STAU2: variants seen among roughly 807,000 people sequenced by gnomAD.
STAU2 encodes double-stranded RNA-binding protein Staufen homolog 2.
A neutral mutation model predicts 65.9 loss-of-function variants in STAU2; 20 were observed. That is an observed-to-expected ratio of 0.30 (90% CI 0.21 to 0.44). The LOEUF (loss-of-function observed/expected upper bound fraction) is 0.44. STAU2 is among the 20% of genes least tolerant of loss of function. STAU2 has a pLI of 1.00. For missense variants in STAU2, 558 were observed against 683.9 expected (o/e 0.82, Z 2.05); for synonymous variants, 232 against 233.9 (o/e 0.99, Z 0.07).
At chr8:73,444,236 G>A (rs980166008) in intron 13 of STAU2, among the ~76,000 whole-genome samples, 14 of 152,008 alleles carry the variant, frequency 9.2e-5, no homozygotes, top group East Asian at 5.8e-4. Flanking sequence ...GAGAAACCCC[G>A]TCTCTATTAA....
At chr8:73,483,216 TAAC>T (rs890799741) in intron 13 of STAU2, among the ~76,000 whole-genome samples, 3 of 152,056 alleles carry the variant, frequency 2.0e-5, no homozygotes, top group African/African-American at 7.2e-5. Context: ...GAAGGAATTT[TAAC>T]AACATAACAT....
intron 5 of STAU2, among the ~76,000 whole-genome samples, chr8:73,682,641 A>G (rs1818514971): frequency 6.6e-6 from 1 of 152,182 alleles, no homozygotes; most frequent in Admixed American, 6.5e-5. Context: ...AATGAAATTG[A>G]AACAAAAGAA....
At chr8:73,619,639 T>G (rs769752873) in intron 6 of STAU2, among the ~76,000 whole-genome samples, 1 of 152,130 alleles carries the variant, frequency 6.6e-6, no homozygotes, top group Non-Finnish European at 1.5e-5. Context: ...GAGGCAATAA[T>G]TGAAACCATG....
In STAU2 at chr8:73,421,241, G is replaced by T. The variant is rs1816351765; in HGVS notation, c.*131C>A. The T allele has an allele frequency of 2.7e-6, 2 of 748,934 alleles. No individual in the cohort carries two copies. Among genetic ancestry groups the T allele is most frequent in the Non-Finnish European group, 4.4e-6 (2 of 455,290 alleles). 46.4% of individuals were successfully genotyped at this position (748,934 alleles called of 1,614,324 possible). A position where few individuals can be genotyped will look rare whatever the true frequency, so the allele number is the denominator to read the frequency against. Reference sequence around the variant, plus strand: ...CAGTACCATGTATATTATCTCTCGTGTTAGAATAGTGTTGTCTTCACATAA... The same window carrying T: ...CAGTACCATGTATATTATCTCTCGTTTTAGAATAGTGTTGTCTTCACATAA... On this transcript the variant is annotated 3_prime_UTR_variant, in exon 15 of 15. Coordinates refer to ENST00000524300, the MANE Select transcript of STAU2 (RefSeq NM_001164380.2).
At chr8:73,687,332 T>TATAATTTATATTTATATTTATAAAC (rs1818956230) in intron 5 of STAU2, among the ~76,000 whole-genome samples, 1 of 102,910 alleles carries the variant, frequency 9.7e-6, no homozygotes, top group African/African-American at 3.6e-5. Context: ...TATTTATAAA[T>TATAATTTATATTTATATTTATAAAC]ATAATTTATA....
intron 3 of STAU2, among the ~76,000 whole-genome samples, chr8:73,714,628 C>G (rs556193447): frequency 5.1e-4 from 78 of 152,150 alleles, no homozygotes; most frequent in African/African-American, 1.9e-3. Flanking sequence ...CACAGAAGGC[C>G]TTCCTAGATA....
chr8:73,632,669 T>C (rs1814188948), intron 6 of STAU2, among the ~76,000 whole-genome samples: 2 of 152,084 alleles, frequency 1.3e-5, no homozygotes, highest in Admixed American at 1.3e-4. Context: ...ACCATGGTGA[T>C]CTCTCAGGAA....
intron 12 of STAU2, among the ~76,000 whole-genome samples, chr8:73,570,600 C>A (rs550532066): frequency 6.6e-6 from 1 of 152,168 alleles, no homozygotes; most frequent in Non-Finnish European, 1.5e-5. Flanking sequence ...ATACAGAGAA[C>A]GCCACAAAGA....
chr8:73,430,824 G>A (rs1170791642), intron 13 of STAU2, among the ~76,000 whole-genome samples: 5 of 152,228 alleles, frequency 3.3e-5, no homozygotes, highest in South Asian at 2.1e-4. Flanking sequence ...AAAATTCAAA[G>A]CATTATAAAT....
At chr8:73,571,339 G>A (rs1227244352) in intron 12 of STAU2, among the ~76,000 whole-genome samples, 7 of 152,138 alleles carry the variant, frequency 4.6e-5, no homozygotes, top group Admixed American at 1.3e-4. Flanking sequence ...ACAGATCAAC[G>A]AGACAGAAAG....
chr8:73,724,494 T>C (rs1348916429), intron 3 of STAU2, among the ~76,000 whole-genome samples: 6 of 152,022 alleles, frequency 3.9e-5, no homozygotes, highest in Non-Finnish European at 5.9e-5. Context: ...AAGCATTCTA[T>C]TTTTCACTTT....
intron 4 of STAU2, among the ~76,000 whole-genome samples, chr8:73,692,977 C>G (rs1819438932): frequency 6.6e-6 from 1 of 150,804 alleles, no homozygotes. Flanking sequence ...CTGGGCAACA[C>G]AGGGAGACCT....
chr8:73,511,511 T>C (rs1822401043), intron 13 of STAU2: 1 of 152,652 alleles, frequency 6.6e-6, no homozygotes, highest in Non-Finnish European at 1.5e-5. Context: ...TAACAAAGAG[T>C]TGTGTGGCCT....
chr8:73,724,322 C>T (rs1310114969), intron 3 of STAU2, among the ~76,000 whole-genome samples: 3 of 152,002 alleles, frequency 2.0e-5, no homozygotes, highest in Non-Finnish European at 1.5e-5. Context: ...GGCAAAAGTC[C>T]CCATCCGTCC....
chr8:73,611,466 G>A (rs1812452339), intron 9 of STAU2, among the ~76,000 whole-genome samples: 1 of 151,946 alleles, frequency 6.6e-6, no homozygotes, highest in African/African-American at 2.4e-5. Context: ...GGAAGTTCTG[G>A]GATAATATTA....
chr8:73,713,419 A>G (rs1821032725), intron 3 of STAU2, among the ~76,000 whole-genome samples: 1 of 152,202 alleles, frequency 6.6e-6, no homozygotes, highest in Admixed American at 6.5e-5. Flanking sequence ...ACAGTCTGAT[A>G]GAAGAAACAG....
intron 13 of STAU2, among the ~76,000 whole-genome samples, chr8:73,461,762 T>A (rs750241055): frequency 6.6e-6 from 1 of 151,934 alleles, no homozygotes; most frequent in African/African-American, 2.4e-5. Context: ...CTTTCACCAA[T>A]CTGTGGAATG....
intron 13 of STAU2, among the ~76,000 whole-genome samples, chr8:73,494,383 A>T (rs1821294206): frequency 6.6e-6 from 1 of 151,684 alleles, no homozygotes; most frequent in South Asian, 2.1e-4. Flanking sequence ...TTCACTATAA[A>T]ATTCCGTCTC....
At chr8:73,638,500 CT>C (rs576967652) in intron 6 of STAU2, among the ~76,000 whole-genome samples, 29,976 of 133,632 alleles carry the variant, frequency 0.22, 3,188 homozygotes, top group East Asian at 0.38. Context: ...TTGAAATATT[CT>C]TTTTTTTTTT....
Sources: gnomAD v4.1 joint callset for allele counts (sites outside exome capture counted in the v4.1 genomes callset) on GRCh38, gnomAD v4.1.1 for gene constraint, MANE v1.5 for transcripts, NCBI Gene and HGNC (gene_info 2026-07-23, HGNC 2026-07-21) for gene names.